The following CLUH variants were observed in gnomAD, a reference collection of about 807,000 sequenced individuals.
CLUH encodes the protein clustered mitochondria protein homolog.
CLUH carries 77 observed loss-of-function variants against 139.3 expected under a neutral mutation model. That is an observed-to-expected ratio of 0.55 (90% CI 0.46 to 0.67). The LOEUF (loss-of-function observed/expected upper bound fraction) is 0.67, where lower values mean the gene tolerates loss of function less well. Ranked by LOEUF, CLUH falls within the 30% of genes least tolerant of loss-of-function variation. CLUH has a pLI of 0.00. For synonymous variants in CLUH, 999 were observed against 801.6 expected, an observed-to-expected ratio of 1.25 and a Z score of -4.16; for missense variants, 1,876 against 1,875.8, an observed-to-expected ratio of 1.00 and a Z score of 0.00.
chr17:2,691,550 G>C, intron 25 of CLUH, 59 bp downstream of exon 25: 2 of 1,536,514 alleles, frequency 1.3e-6, no homozygotes, highest in South Asian at 2.3e-5. Context: ...GACAGGGCGA[G>C]ACTCCGACTC....
rs777577594 is a variant in CLUH at position 2,700,693 on chromosome 17, C to T, written c.1158G>A (p.Glu386=). 3 of 1,527,016 alleles carry T rather than the reference C, an allele frequency of 2.0e-6. No individual in the cohort carries two copies. Among genetic ancestry groups the T allele is most frequent in the Non-Finnish European group, 2.6e-6 (3 of 1,141,718 alleles). 94.6% of individuals were successfully genotyped at this position (1,527,016 alleles called of 1,614,324 possible). A position where few individuals can be genotyped will look rare whatever the true frequency, so the allele number is the denominator to read the frequency against. Residue 386 remains glutamate (E), a synonymous_variant, in exon 8 of 26, where the codon GAG becomes GAA. Coordinates refer to ENST00000651024, the MANE Select transcript of CLUH (RefSeq NM_001366661.1). ...DAYTSRLGYE[E]HIPGQTRDWN... is the part of the protein sequence containing the mutation. ...TTGCAGGCACCTGTCCAGGAATGTG[C>T]TCCTCATAGCCCAGCCTCGAGGTGT...
Position 2,701,395 on chromosome 17 carries a change from G to T in CLUH, c.870C>A (p.Thr290=), listed in dbSNP as rs375026335. The part of the protein sequence containing the change: ...ITAEDRQVSI[T]ASTRGFYLNQ... ...TCAGGTAAAAGCCCCGTGTGGACGC[G>T]GTGATGCTGACTTGCCGGTCCTCGG... Residue 290 remains threonine, a synonymous_variant, in exon 6 of 26, where the codon ACC becomes ACA. Coordinates refer to ENST00000651024, the MANE Select transcript of CLUH (RefSeq NM_001366661.1). The T allele has an allele frequency of 2.5e-6, 4 of 1,609,876 alleles. No individual in the cohort carries two copies. In the Admixed American group the frequency reaches 6.7e-5, roughly 27 times the overall value.
chr17:2,708,638 A>G (rs1305035381), intron 1 of CLUH, among the ~76,000 whole-genome samples: 1 of 151,740 alleles, frequency 6.6e-6, no homozygotes, highest in Non-Finnish European at 1.5e-5. Context: ...GAAAGAAAAA[A>G]CAGGAGTGTC....
intron 25 of CLUH, 27 bp from the exon 26 acceptor site, chr17:2,690,804 G>T (rs766642221): frequency 6.9e-7 from 1 of 1,457,672 alleles, no homozygotes; most frequent in South Asian, 1.5e-5. Flanking sequence ...GGATGGAGGT[G>T]GCTCTCAGAG....
rs1455498312 is a variant in CLUH at position 2,701,120 on chromosome 17, G to C, written c.1025+20C>G. The C allele has an allele frequency of 1.2e-6, 2 of 1,613,680 alleles. No individual in the cohort carries two copies. Among genetic ancestry groups the C allele is most frequent in the Admixed American group, 3.3e-5 (2 of 60,018 alleles). On this transcript the variant is annotated intron_variant, in intron 7 of 25. Coordinates refer to ENST00000651024, the MANE Select transcript of CLUH (RefSeq NM_001366661.1). ...CCCCCGTGTGCCATGAGACAAGGCG[G>C]GAGGGGACAAAGGCACTACCTTTTC...
Position 2,707,036 on chromosome 17 carries a change from G to A in CLUH, c.101-2472C>T. On this transcript the variant is annotated intron_variant, in intron 1 of 25. Coordinates refer to ENST00000651024, the MANE Select transcript of CLUH (RefSeq NM_001366661.1). This position sits in a 1 kb window ranked among gnomAD's most constrained non-coding sequence, Gnocchi z 7.4. ...AAAGGAATGCAGCTGGCTCCCAAGG[G>A]GCCTCCTCTCCCCAGGACAGCATGT... 1 of 334,446 alleles carries A rather than the reference G, an allele frequency of 3.0e-6. No homozygotes were observed. The allele number at this position is 334,446 out of a possible 1,614,324, so 20.7% of individuals were successfully genotyped here. A position where few individuals can be genotyped will look rare whatever the true frequency, so the allele number is the denominator to read the frequency against.
chr17:2,708,839 G>A (rs1010258835), intron 1 of CLUH, among the ~76,000 whole-genome samples: 2 of 139,654 alleles, frequency 1.4e-5, no homozygotes, highest in Non-Finnish European at 3.1e-5. Context: ...CTGCCTCCTC[G>A]TCCAGGCCTC....
At position 2,698,073 on chromosome 17, in the gene CLUH, T is replaced by C. The variant is rs1452429106; in HGVS notation, c.1784A>G (p.Asn595Ser). 5.0e-6 allele frequency: 8 copies of C among 1,606,716 alleles called. No homozygotes were observed. Among genetic ancestry groups the C allele is most frequent in the Non-Finnish European group, 6.8e-6 (8 of 1,178,678 alleles). The change falls in exon 10 of 26, where the codon AAC (asparagine) becomes AGC (serine). Residue 595 changes from asparagine (N) to serine (S), a missense_variant. Transcript: ENST00000651024. ...SSVECKGIIG[N>S]DGRHYILDLL... ...GTCGAGGATGTAGTGGCGCCCGTCG[T>C]TGCCAATGATGCCCTTGCACTCGAC...
intron 1 of CLUH, 118 bp downstream of exon 1, chr17:2,711,444 G>T: frequency 4.9e-6 from 1 of 205,758 alleles, no homozygotes; most frequent in Non-Finnish European, 8.5e-6. Flanking sequence ...GAAGGCCCCA[G>T]CGAGATACAA....
rs1045021466 is a variant in CLUH at position 2,707,592 on chromosome 17, C to G, written c.101-3028G>C. Reference sequence around the variant, plus strand: ...GAACCCAGAATTTGGGGTACCTGGACCCCTCAAGATTGAGGGCCTAGGAGA... The same window carrying G: ...GAACCCAGAATTTGGGGTACCTGGAGCCCTCAAGATTGAGGGCCTAGGAGA... On this transcript the variant is annotated intron_variant, in intron 1 of 25. Transcript: ENST00000651024. This position sits in a 1 kb window ranked among gnomAD's most constrained non-coding sequence, Gnocchi z 7.4. The G allele has an allele frequency of 5.1e-6, 5 of 985,282 alleles. No individual in the cohort carries two copies. The highest frequency in any genetic ancestry group is 6.0e-6 in the Non-Finnish European group (5 of 829,904). The allele number at this position is 985,282 out of a possible 1,614,324, so 61.0% of individuals were successfully genotyped here.
At position 2,696,770 on chromosome 17, in the gene CLUH, G is replaced by C; in HGVS notation, c.2134C>G (p.Leu712Val). 6.2e-7 allele frequency: 1 copy of C among 1,612,828 alleles called. No homozygotes were observed. The highest frequency in any genetic ancestry group is 1.1e-5 in the South Asian group (1 of 91,034). ...TCTGCCAGCTCCTTCACCTTGGCCA[G>C]GCCGCTGGCGCTGCTACCCTCCTCC... ...SEEEGSSASG[L>V]AKVKELAETI... The change falls in exon 11 of 26, where the codon CTG becomes GTG. Residue 712 changes from leucine (L) to valine (V), a missense_variant. Leu to Val is a conservative substitution (Grantham distance 32, BLOSUM62 1). Around this residue, in one of 3 missense-constraint regions of CLUH, gnomAD observed 1,454 missense variants for 1,384.4 expected, o/e 1.05. Coordinates refer to ENST00000651024, the MANE Select transcript of CLUH (RefSeq NM_001366661.1).
intron 11 of CLUH, 49 bp from the exon 12 acceptor site, chr17:2,696,587 G>A: frequency 1.3e-6 from 2 of 1,532,510 alleles, no homozygotes; most frequent in Non-Finnish European, 8.8e-7. Flanking sequence ...GCCACCGGTG[G>A]AGCTGGGCTG....
intron 19 of CLUH, 140 bp from the exon 20 acceptor site, chr17:2,693,000 G>A: frequency 1.4e-6 from 1 of 707,730 alleles, no homozygotes; most frequent in South Asian, 2.8e-5. Flanking sequence ...GTGCAGCAGG[G>A]GGGAGGGGGA....
intron 17 of CLUH, 80 bp downstream of exon 17, chr17:2,694,400 G>T: frequency 6.6e-7 from 1 of 1,526,024 alleles, no homozygotes; most frequent in African/African-American, 1.4e-5. Flanking sequence ...CTGTGGCCCT[G>T]GCCAGGAGTG....
At chr17:2,702,305 G>A (rs2070215790) in intron 3 of CLUH, among the ~76,000 whole-genome samples, 1 of 152,214 alleles carries the variant, frequency 6.6e-6, no homozygotes, top group Non-Finnish European at 1.5e-5. Flanking sequence ...TCTGCCAAAT[G>A]CCTCTGAAGC....
intron 8 of CLUH, 91 bp downstream of exon 8, chr17:2,700,587 A>G: frequency 6.5e-7 from 1 of 1,532,424 alleles, no homozygotes; most frequent in Non-Finnish European, 8.8e-7. Flanking sequence ...AAATGAAGTC[A>G]AGCATGGGGC....
intron 5 of CLUH, 28 bp from the exon 6 acceptor site, chr17:2,701,548 C>T (rs746785793): frequency 1.6e-5 from 26 of 1,613,162 alleles, no homozygotes; most frequent in Non-Finnish European, 1.9e-5. Flanking sequence ...TCTGAGGGGC[C>T]AGGCCTCTGG....
At chr17:2,700,251 G>A (rs1166098003) in intron 9 of CLUH, 131 bp downstream of exon 9, 2 of 767,796 alleles carry the variant, frequency 2.6e-6, no homozygotes, top group Admixed American at 5.0e-5. Context: ...GGGAGACGCT[G>A]ACTGGCCTTC....
In CLUH at chr17:2,695,360, C is replaced by G. The variant is rs201008662; in HGVS notation, c.2544+14G>C. 1 of 1,613,018 alleles carries G rather than the reference C, an allele frequency of 6.2e-7. No homozygotes were observed. The highest frequency in any genetic ancestry group is 8.5e-7 in the Non-Finnish European group (1 of 1,179,680). ...CCACAGCTCCCGTTCCGCCCCACCC[C>G]GGGCAGCACTCACAAAGACGTGGTC... On this transcript the variant is annotated intron_variant, in intron 14 of 25. Coordinates refer to ENST00000651024, the MANE Select transcript of CLUH (RefSeq NM_001366661.1).
Sources: gnomAD v4.1 joint callset for allele counts (sites outside exome capture counted in the v4.1 genomes callset) on GRCh38, gnomAD v4.1.1 for gene constraint, gnomAD v4.1.1 regional missense constraint, Gnocchi (gnomAD v3.1) non-coding constraint, MANE v1.5 for transcripts, NCBI Gene and HGNC (gene_info 2026-07-23, HGNC 2026-07-21) for gene names.